UAP1: variants seen among roughly 807,000 people sequenced by gnomAD.
UAP1 encodes the protein UDP-N-acetylhexosamine pyrophosphorylase.
Under a neutral mutation model 58.5 loss-of-function variants are expected in UAP1, and 25 were observed. That is an observed-to-expected ratio of 0.43 (90% CI 0.31 to 0.60). The LOEUF (loss-of-function observed/expected upper bound fraction) is 0.60, where lower values mean the gene tolerates loss of function less well. Among genes scored for constraint, UAP1 ranks in the 20% least tolerant of loss-of-function variants. The pLI is 0.11. For missense variants in UAP1, 575 were observed against 630.0 expected, an observed-to-expected ratio of 0.91 and a Z score of 0.93; for synonymous variants, 208 against 213.0, an observed-to-expected ratio of 0.98 and a Z score of 0.21.
intron 1 of UAP1, among the ~76,000 whole-genome samples, chr1:162,564,108 T>A (rs12031752): frequency 0.097 from 14,708 of 152,238 alleles, 899 homozygotes; most frequent in East Asian, 0.21. Context: ...TGTGATTTTT[T>A]AAAATTAAAA....
At chr1:162,576,966 A>G (rs1479233345) in exon 3 of UAP1, 1 of 1,614,144 alleles carries the variant, frequency 6.2e-7, no homozygotes, top group Non-Finnish European at 8.5e-7. Context: ...TATGGCAACA[A>G]ATGCATTATT....
At chr1:162,584,844 T>C (rs1654809595) in intron 5 of UAP1, among the ~76,000 whole-genome samples, 1 of 152,134 alleles carries the variant, frequency 6.6e-6, no homozygotes, top group Non-Finnish European at 1.5e-5. Context: ...GTGAAGAACA[T>C]GAGAAAAGAC....
chr1:162,576,435 G>A (rs1280942468), intron 2 of UAP1, among the ~76,000 whole-genome samples: 1 of 151,946 alleles, frequency 6.6e-6, no homozygotes, highest in Non-Finnish European at 1.5e-5. Flanking sequence ...TTTGGTGTTC[G>A]GTTGGGTTAT....
chr1:162,593,547 G>C (rs937136709), intron 9 of UAP1: 1 of 152,096 alleles, frequency 6.6e-6, no homozygotes, highest in Admixed American at 6.6e-5. Flanking sequence ...TCAGGAGTTC[G>C]AGACTAGCCT....
intron 3 of UAP1, among the ~76,000 whole-genome samples, chr1:162,578,734 C>T (rs901269789): frequency 1.7e-4 from 26 of 152,122 alleles, no homozygotes; most frequent in Non-Finnish European, 3.4e-4. Flanking sequence ...ACAGATACCT[C>T]CTGTGGTATG....
intron 1 of UAP1, among the ~76,000 whole-genome samples, chr1:162,564,700 C>T (rs1422882764): frequency 6.6e-6 from 1 of 152,132 alleles, no homozygotes; most frequent in Non-Finnish European, 1.5e-5. Flanking sequence ...TGAGAATCTA[C>T]TGTTCGCTTT....
chr1:162,564,620 C>T (rs1442824068), intron 1 of UAP1, among the ~76,000 whole-genome samples: 1 of 152,156 alleles, frequency 6.6e-6, no homozygotes, highest in African/African-American at 2.4e-5. Context: ...CTAGTTGTCC[C>T]TCCTTACAAT....
At chr1:162,565,385 C>T (rs1294821278) in intron 1 of UAP1, among the ~76,000 whole-genome samples, 1 of 152,154 alleles carries the variant, frequency 6.6e-6, no homozygotes, top group East Asian at 1.9e-4. Context: ...ATGTGTATTG[C>T]TTGTCTCTTT....
downstream of UAP1, among the ~76,000 whole-genome samples, chr1:162,600,924 TC>T (rs1182247016): frequency 6.6e-6 from 1 of 152,202 alleles, no homozygotes; most frequent in Non-Finnish European, 1.5e-5. Context: ...TTTCTTTTTT[TC>T]TTGAACCTTG....
chr1:162,595,204 G>A (rs1284497256), intron 9 of UAP1, among the ~76,000 whole-genome samples: 1 of 152,082 alleles, frequency 6.6e-6, no homozygotes, highest in Non-Finnish European at 1.5e-5. Flanking sequence ...CTCCTTCAGG[G>A]CATCCAATTT....
chr1:162,587,546 A>T, exon 6 of UAP1: 1 of 1,614,142 alleles, frequency 6.2e-7, no homozygotes, highest in South Asian at 1.1e-5. Flanking sequence ...ACCAGGTGGT[A>T]GAATATAGTG....
intron 8 of UAP1, among the ~76,000 whole-genome samples, chr1:162,591,083 C>T (rs930358642): frequency 3.9e-5 from 6 of 152,126 alleles, no homozygotes; most frequent in Admixed American, 6.6e-5. Context: ...CATGCCACCA[C>T]ACCCAGCTAA....
chr1:162,590,960 T>A (rs1355889457), intron 8 of UAP1, among the ~76,000 whole-genome samples: 2 of 151,498 alleles, frequency 1.3e-5, no homozygotes, highest in African/African-American at 4.9e-5. Context: ...AGTCTTGCTT[T>A]GTCACCAGGT....
At chr1:162,598,037 T>C (rs1209392500) in intron 10 of UAP1, among the ~76,000 whole-genome samples, 179 bp downstream of exon 10, 1 of 152,200 alleles carries the variant, frequency 6.6e-6, no homozygotes, top group East Asian at 1.9e-4. Flanking sequence ...AATCATCACA[T>C]TGTATCTGAA....
chr1:162,573,525 T>C (rs1653994717), intron 2 of UAP1, among the ~76,000 whole-genome samples: 1 of 152,180 alleles, frequency 6.6e-6, no homozygotes, highest in Non-Finnish European at 1.5e-5. Flanking sequence ...GAGGTACAAT[T>C]AAATGCTATG....
At chr1:162,599,529 A>T in exon 11 of UAP1, 1 of 454,210 alleles carries the variant, frequency 2.2e-6, no homozygotes, top group East Asian at 3.4e-5. Context: ...GATCCAGATG[A>T]CTGAATTTCA....
At chr1:162,597,264 G>GAATTTTA (rs1273908321) in intron 9 of UAP1, 1 of 152,180 alleles carries the variant, frequency 6.6e-6, no homozygotes, top group Non-Finnish European at 1.5e-5. Context: ...CTGAGAAACT[G>GAATTTTA]AATTTTAAAT....
At chr1:162,598,193 C>T (rs1056254400) in intron 10 of UAP1, among the ~76,000 whole-genome samples, 3 of 151,850 alleles carry the variant, frequency 2.0e-5, no homozygotes, top group Middle Eastern at 3.4e-3. Context: ...ATAGTGAGAC[C>T]TGTCTTTATA....
intron 7 of UAP1, among the ~76,000 whole-genome samples, 186 bp from the exon 8 acceptor site, chr1:162,590,137 T>C (rs1275279964): frequency 6.6e-6 from 1 of 152,056 alleles, no homozygotes. Context: ...GGGAAATGAT[T>C]TCTCATTTTG....
Sources: gnomAD v4.1 joint callset for allele counts (sites outside exome capture counted in the v4.1 genomes callset) on GRCh38, gnomAD v4.1.1 for gene constraint, MANE v1.5 for transcripts, NCBI Gene and HGNC (gene_info 2026-07-23, HGNC 2026-07-21) for gene names.